CWC27: variants seen among roughly 807,000 people sequenced by gnomAD.
CWC27 encodes CWC27 spliceosome associated cyclophilin, also known as spliceosome-associated protein CWC27 homolog.
CWC27 carries 47 observed loss-of-function variants against 63.6 expected under a neutral mutation model. The observed-to-expected ratio is 0.74, with a 90% confidence interval of 0.58 to 0.94. The LOEUF (loss-of-function observed/expected upper bound fraction) is 0.94, where lower values mean the gene tolerates loss of function less well. CWC27 is among the 40% of genes least tolerant of loss of function. The probability of loss-of-function intolerance (pLI) is 0.00; values close to 1 mark genes in which losing one functional copy is unlikely to be tolerated. For missense variants in CWC27, 495 were observed against 554.3 expected, an observed-to-expected ratio of 0.89 and a Z score of 1.07; for synonymous variants, 175 against 179.8, an observed-to-expected ratio of 0.97 and a Z score of 0.22.
At chr5:64,941,325 G>T (rs1383426038) in intron 11 of CWC27, among the ~76,000 whole-genome samples, 1 of 152,058 alleles carries the variant, frequency 6.6e-6, no homozygotes, top group Non-Finnish European at 1.5e-5. Flanking sequence ...AAGATATACT[G>T]GTAGTCTAAG....
intron 11 of CWC27, among the ~76,000 whole-genome samples, chr5:64,905,817 G>T (rs1747624375): frequency 6.6e-6 from 1 of 152,012 alleles, no homozygotes; most frequent in Admixed American, 6.6e-5. Flanking sequence ...TCCTAATGCT[G>T]TGCCTCCCCC....
chr5:65,016,876 G>T (rs1750057061), intron 13 of CWC27, among the ~76,000 whole-genome samples: 1 of 152,128 alleles, frequency 6.6e-6, no homozygotes. Context: ...TGGGGGAAAA[G>T]ATATTAGCAT....
chr5:64,797,845 A>G (rs973438128), intron 7 of CWC27, among the ~76,000 whole-genome samples: 2 of 152,210 alleles, frequency 1.3e-5, no homozygotes, highest in African/African-American at 4.8e-5. Context: ...GTGAAATAGT[A>G]TAGCTCATTA....
intron 10 of CWC27, among the ~76,000 whole-genome samples, chr5:64,878,355 A>G (rs1281128549): frequency 6.6e-6 from 1 of 151,222 alleles, no homozygotes; most frequent in East Asian, 1.9e-4. Flanking sequence ...CACAGTTTTA[A>G]TTCTTTAAAT....
At chr5:64,879,112 A>G (rs1746874860) in intron 10 of CWC27, among the ~76,000 whole-genome samples, 1 of 151,962 alleles carries the variant, frequency 6.6e-6, no homozygotes, top group Non-Finnish European at 1.5e-5. Context: ...TAAAGGAAAA[A>G]GGAAAGATGT....
At chr5:64,776,871 A>T (rs535594790) in intron 2 of CWC27, among the ~76,000 whole-genome samples, 1 of 152,162 alleles carries the variant, frequency 6.6e-6, no homozygotes, top group African/African-American at 2.4e-5. Flanking sequence ...AATGATGTTC[A>T]TAGCCAAAGG....
At chr5:64,941,932 A>G (rs971154379) in intron 11 of CWC27, among the ~76,000 whole-genome samples, 4 of 151,972 alleles carry the variant, frequency 2.6e-5, no homozygotes, top group Non-Finnish European at 5.9e-5. Context: ...AATTTATTAT[A>G]TTAAATAATG....
intron 11 of CWC27, among the ~76,000 whole-genome samples, chr5:64,901,749 G>A (rs551067474): frequency 6.6e-6 from 1 of 152,108 alleles, no homozygotes; most frequent in South Asian, 2.1e-4. Context: ...GTAATCACAC[G>A]TAGCTTAAAA....
intron 10 of CWC27, among the ~76,000 whole-genome samples, chr5:64,874,368 G>A (rs1746745696): frequency 6.6e-6 from 1 of 151,532 alleles, no homozygotes; most frequent in Non-Finnish European, 1.5e-5. Flanking sequence ...CACCATGTTG[G>A]ACAGGCTGGT....
intron 11 of CWC27, among the ~76,000 whole-genome samples, chr5:64,940,842 C>CTTTTTTTTTTT (rs70983655): frequency 5.4e-4 from 35 of 64,952 alleles, no homozygotes; most frequent in Middle Eastern, 0.015. Flanking sequence ...TTCTTTCTTT[C>CTTTTTTTTTTT]TTTTTTTTTT....
At chr5:64,964,689 C>T (rs963370067) in intron 11 of CWC27, among the ~76,000 whole-genome samples, 9 of 152,136 alleles carry the variant, frequency 5.9e-5, no homozygotes, top group Admixed American at 3.9e-4. Context: ...AGCTAAAATA[C>T]TACATGTTTC....
intron 11 of CWC27, among the ~76,000 whole-genome samples, chr5:64,898,608 A>G (rs1450846139): frequency 6.6e-6 from 1 of 152,080 alleles, no homozygotes; most frequent in Non-Finnish European, 1.5e-5. Flanking sequence ...TGAAATTTCT[A>G]TTGATAGTGC....
At chr5:64,822,764 G>C (rs531141662) in intron 10 of CWC27, among the ~76,000 whole-genome samples, 1 of 152,008 alleles carries the variant, frequency 6.6e-6, no homozygotes, top group East Asian at 1.9e-4. Flanking sequence ...AGGATTCAAG[G>C]CTGGATTAAT....
At chr5:64,852,919 G>A (rs1746170689) in intron 10 of CWC27, among the ~76,000 whole-genome samples, 1 of 151,932 alleles carries the variant, frequency 6.6e-6, no homozygotes, top group African/African-American at 2.4e-5. Context: ...AAGAGAAAAT[G>A]ACTTAGAATT....
At chr5:64,961,167 T>A (rs1748901776) in intron 11 of CWC27, among the ~76,000 whole-genome samples, 1 of 152,194 alleles carries the variant, frequency 6.6e-6, no homozygotes, top group African/African-American at 2.4e-5. Flanking sequence ...CAGGAACAAA[T>A]GTGCAGTACT....
intron 11 of CWC27, among the ~76,000 whole-genome samples, chr5:64,958,050 A>G (rs1003480887): frequency 6.6e-6 from 1 of 152,136 alleles, no homozygotes; most frequent in Admixed American, 6.5e-5. Flanking sequence ...TGAAAAGACA[A>G]GATAAAATTT....
intron 2 of CWC27, among the ~76,000 whole-genome samples, chr5:64,780,136 T>C (rs1457499882): frequency 6.6e-6 from 1 of 152,186 alleles, no homozygotes; most frequent in Non-Finnish European, 1.5e-5. Flanking sequence ...ATTCTAGATA[T>C]TTCTTATAAA....
intron 10 of CWC27, among the ~76,000 whole-genome samples, chr5:64,824,162 C>T (rs953848383): frequency 3.3e-5 from 5 of 152,122 alleles, no homozygotes; most frequent in Non-Finnish European, 7.4e-5. Flanking sequence ...AGGAAAACAT[C>T]TTGCTTTATT....
intron 1 of CWC27, among the ~76,000 whole-genome samples, chr5:64,773,639 A>T (rs1743340944): frequency 6.6e-6 from 1 of 152,210 alleles, no homozygotes; most frequent in South Asian, 2.1e-4. Flanking sequence ...ATTGACACTG[A>T]TCTACTTTGG....
Sources: allele counts gnomAD v4.1 joint callset (sites outside exome capture counted in the v4.1 genomes callset), GRCh38; gene constraint gnomAD v4.1.1; transcripts MANE v1.5; gene names NCBI Gene and HGNC (gene_info 2026-07-23, HGNC 2026-07-21).